Variants in MINDY3 observed in about 807,000 individuals in gnomAD.
The protein encoded by MINDY3 is MINDY lysine 48 deubiquitinase 3.
Under a neutral mutation model 69.2 loss-of-function variants are expected in MINDY3, and 38 were observed. The observed-to-expected ratio is 0.55, with a 90% CI of 0.42 to 0.72. The LOEUF (loss-of-function observed/expected upper bound fraction) is 0.72, where lower values mean the gene tolerates loss of function less well. Among genes scored for constraint, MINDY3 ranks in the 30% least tolerant of loss-of-function variants. The probability of loss-of-function intolerance (pLI) is 0.00; values close to 1 mark genes in which losing one functional copy is unlikely to be tolerated. For missense variants in MINDY3, 522 were observed against 519.0 expected (o/e 1.01, Z -0.06); for synonymous variants, 192 against 180.1 (o/e 1.07, Z -0.53).
At chr10:15,804,023 A>G (rs2131921063) in intron 10 of MINDY3, among the ~76,000 whole-genome samples, 1 of 152,244 alleles carries the variant, frequency 6.6e-6, no homozygotes, top group African/African-American at 2.4e-5. Context: ...ACGATTACAT[A>G]CTGTTTTAGT....
At chr10:15,805,032 G>A (rs1838534474) in intron 10 of MINDY3, among the ~76,000 whole-genome samples, 1 of 152,090 alleles carries the variant, frequency 6.6e-6, no homozygotes, top group African/African-American at 2.4e-5. Flanking sequence ...GACTCTAAAT[G>A]CACAAGTGGA....
intron 10 of MINDY3, among the ~76,000 whole-genome samples, chr10:15,804,043 A>C (rs922790000): frequency 2.6e-5 from 4 of 152,158 alleles, no homozygotes; most frequent in Non-Finnish European, 5.9e-5. Flanking sequence ...TTAGCAATTT[A>C]AGCTCTGATT....
At chr10:15,819,456 T>C (rs1292493883) in intron 9 of MINDY3, among the ~76,000 whole-genome samples, 1 of 152,188 alleles carries the variant, frequency 6.6e-6, no homozygotes, top group African/African-American at 2.4e-5. Flanking sequence ...ACTACCATTA[T>C]AGGTCTCCCA....
intron 10 of MINDY3, among the ~76,000 whole-genome samples, chr10:15,804,036 G>T (rs1838453624): frequency 6.6e-6 from 1 of 152,080 alleles, no homozygotes; most frequent in Admixed American, 6.6e-5. Context: ...GTTTTAGTTA[G>T]CAATTTAAGC....
At chr10:15,848,763 G>T (rs1255421888) in intron 1 of MINDY3, among the ~76,000 whole-genome samples, 2 of 151,858 alleles carry the variant, frequency 1.3e-5, no homozygotes, top group Admixed American at 1.3e-4. Flanking sequence ...AGCAGCTAGC[G>T]GAAGTTCTTC....
intron 4 of MINDY3, among the ~76,000 whole-genome samples, chr10:15,838,505 TTAAA>T (rs1833241113): frequency 6.6e-6 from 1 of 151,762 alleles, no homozygotes; most frequent in Admixed American, 6.6e-5. Context: ...AGAAGGGTGA[TTAAA>T]TAACATTTCA....
intron 3 of MINDY3, 37 bp from the exon 4 acceptor site, chr10:15,841,636 T>G (rs1202042105): frequency 4.2e-6 from 6 of 1,435,516 alleles, no homozygotes; most frequent in Non-Finnish European, 5.6e-6. Context: ...AATGGTTTCC[T>G]CTGGAAAAAA....
chr10:15,826,137 AG>A (rs1840070796), intron 8 of MINDY3, among the ~76,000 whole-genome samples: 1 of 152,200 alleles, frequency 6.6e-6, no homozygotes, highest in African/African-American at 2.4e-5. Flanking sequence ...GATGGATGGC[AG>A]GTAGAGAGGA....
chr10:15,825,145 G>A (rs1840007138), intron 8 of MINDY3, among the ~76,000 whole-genome samples: 1 of 151,904 alleles, frequency 6.6e-6, no homozygotes, highest in South Asian at 2.1e-4. Flanking sequence ...TCCAAGATCT[G>A]AAGCATTCTG....
At chr10:15,810,388 G>C (rs1201027516) in intron 10 of MINDY3, among the ~76,000 whole-genome samples, 1 of 152,092 alleles carries the variant, frequency 6.6e-6, no homozygotes, top group Non-Finnish European at 1.5e-5. Context: ...ACAGCATATA[G>C]GTAGTTTCAC....
At chr10:15,779,356 C>T (rs1172228690) in intron 14 of MINDY3, among the ~76,000 whole-genome samples, 3 of 152,056 alleles carry the variant, frequency 2.0e-5, no homozygotes, top group Admixed American at 6.6e-5. Context: ...GCTAGCTGGC[C>T]AGGTGATTTT....
At chr10:15,802,052 C>T (rs747497697) in intron 10 of MINDY3, among the ~76,000 whole-genome samples, 3 of 151,186 alleles carry the variant, frequency 2.0e-5, no homozygotes, top group African/African-American at 7.3e-5. Flanking sequence ...TACGAGATTA[C>T]AGTATATAAT....
chr10:15,847,761 T>C, intron 2 of MINDY3, 103 bp downstream of exon 2: 2 of 696,594 alleles, frequency 2.9e-6, no homozygotes, highest in Non-Finnish European at 4.9e-6. Context: ...AGTTAATTGA[T>C]TATGTCTCAT....
chr10:15,839,727 A>G (rs1211876522), intron 4 of MINDY3, among the ~76,000 whole-genome samples: 1 of 151,654 alleles, frequency 6.6e-6, no homozygotes, highest in Admixed American at 6.6e-5. Context: ...TGTAATATAA[A>G]TACAGTTCAT....
At position 15,821,734 on chromosome 10, in the gene MINDY3, AAACAAC is replaced by A. The variant is rs200843384; in HGVS notation, c.731-14_731-9del. 13 of 1,608,450 alleles carry A rather than the reference AAACAAC, an allele frequency of 8.1e-6. No individual in the cohort carries two copies. The highest frequency in any genetic ancestry group is 4.5e-5 in the East Asian group (2 of 44,766). Reference sequence around the variant, plus strand: ...CATGTATACCAAGAAGTTCTGCAAAAAACAACAACAACAACAAAAAACGAAAACTTA... The same window carrying A: ...CATGTATACCAAGAAGTTCTGCAAAAAACAACAACAAAAAACGAAAACTTA... On this transcript the variant is annotated splice_polypyrimidine_tract_variant and intron_variant, in intron 8 of 14. Coordinates refer to ENST00000277632, the MANE Select transcript of MINDY3 (RefSeq NM_024948.4).
intron 10 of MINDY3, among the ~76,000 whole-genome samples, chr10:15,812,696 GC>G (rs1476575188): frequency 6.6e-6 from 1 of 152,144 alleles, no homozygotes; most frequent in African/African-American, 2.4e-5. Flanking sequence ...CTCTCCACAT[GC>G]CTGTCTGAGA....
At chr10:15,786,135 C>A (rs1376500411) in intron 13 of MINDY3, among the ~76,000 whole-genome samples, 1 of 152,140 alleles carries the variant, frequency 6.6e-6, no homozygotes, top group African/African-American at 2.4e-5. Context: ...GGGAAACGGC[C>A]CAGACCCACT....
At chr10:15,820,882 G>T (rs1344502056) in intron 9 of MINDY3, among the ~76,000 whole-genome samples, 1 of 152,138 alleles carries the variant, frequency 6.6e-6, no homozygotes, top group African/African-American at 2.4e-5. Flanking sequence ...AGCCAAGGTA[G>T]GAGAATAACT....
At chr10:15,809,159 G>C (rs1838831472) in intron 10 of MINDY3, among the ~76,000 whole-genome samples, 1 of 152,162 alleles carries the variant, frequency 6.6e-6, no homozygotes, top group Non-Finnish European at 1.5e-5. Flanking sequence ...AAAAATAAAA[G>C]ATGAAGAATC....
Sources: gnomAD v4.1 joint callset for allele counts (sites outside exome capture counted in the v4.1 genomes callset) on GRCh38, gnomAD v4.1.1 for gene constraint, MANE v1.5 for transcripts, NCBI Gene and HGNC (gene_info 2026-07-23, HGNC 2026-07-21) for gene names.